PARD3B: variants seen among roughly 807,000 people sequenced by gnomAD.
PARD3B encodes the protein par-3 family cell polarity regulator beta.
PARD3B carries 103 observed loss-of-function variants against 130.2 expected under a neutral mutation model. That is an observed-to-expected ratio of 0.79 (90% CI 0.67 to 0.93). The LOEUF (loss-of-function observed/expected upper bound fraction) is 0.93. Ranked by LOEUF, PARD3B falls within the 40% of genes least tolerant of loss-of-function variation. The pLI is 0.00. For synonymous variants in PARD3B, 583 were observed against 553.2 expected, an observed-to-expected ratio of 1.05 and a Z score of -0.76; for missense variants, 1,609 against 1,499.2, an observed-to-expected ratio of 1.07 and a Z score of -1.21.
At chr2:205,512,635 G>A (rs376880723) in intron 21 of PARD3B, among the ~76,000 whole-genome samples, 1 of 152,062 alleles carries the variant, frequency 6.6e-6, no homozygotes, top group Non-Finnish European at 1.5e-5. Context: ...AATGTACATC[G>A]AGCCTGACAG....
chr2:204,997,741 C>A (rs956021588), intron 3 of PARD3B, among the ~76,000 whole-genome samples: 4 of 151,498 alleles, frequency 2.6e-5, no homozygotes, highest in African/African-American at 7.3e-5. Context: ...ACTTAGAGCT[C>A]CAGTGTTGGA....
intron 1 of PARD3B, among the ~76,000 whole-genome samples, chr2:204,667,256 C>CATAGA (rs2036067910): frequency 3.3e-5 from 5 of 152,170 alleles, no homozygotes; most frequent in Admixed American, 2.0e-4. Flanking sequence ...ACTGTAACTG[C>CATAGA]AGCAAGCTCA....
rs967564052 is a variant in PARD3B at position 205,352,263 on chromosome 2, CAT to C, written c.2631-48748_2631-48747del. 6.6e-6 allele frequency among the ~76,000 whole-genome samples: 1 copy of C among 152,088 alleles called. No individual in the cohort carries two copies. Among genetic ancestry groups the C allele is most frequent in the Non-Finnish European group, 1.5e-5 (1 of 68,004 alleles). ...CCATGTGTGAAGGAGGGAAAAAAAA[CAT>C]AGTAGAGCTTTTCTTTTCACTGTAC... On this transcript the variant is annotated intron_variant, in intron 18 of 22. Transcript: ENST00000406610. The surrounding 1 kb of genome is among the most constrained non-coding windows in gnomAD (Gnocchi z 5.2).
chr2:204,646,044 G>A (rs2035259677), intron 1 of PARD3B, among the ~76,000 whole-genome samples: 1 of 152,118 alleles, frequency 6.6e-6, no homozygotes, highest in Middle Eastern at 3.4e-3. Flanking sequence ...GAACATTCTG[G>A]ATTTATTGTT....
intron 15 of PARD3B, among the ~76,000 whole-genome samples, chr2:205,236,629 C>T (rs1309424782): frequency 2.0e-5 from 3 of 152,092 alleles, no homozygotes; most frequent in African/African-American, 7.2e-5. Context: ...GTGAATTGAA[C>T]CCAACAATAT....
chr2:205,345,615 C>T lies in PARD3B; in HGVS notation c.2630+43914C>T, dbSNP rs2043723067. On this transcript the variant is annotated intron_variant, in intron 18 of 22. Coordinates refer to ENST00000406610, the MANE Select transcript of PARD3B (RefSeq NM_001302769.2). Reference sequence around the variant, plus strand: ...CCCAGTCCATGCTGCTAAGTTCACCCCCTTTCCCTATCTCCTCATGACCCT... The same window carrying T: ...CCCAGTCCATGCTGCTAAGTTCACCTCCTTTCCCTATCTCCTCATGACCCT... 3.3e-5 allele frequency among the ~76,000 whole-genome samples: 5 copies of T among 151,558 alleles called. No individual in the cohort carries two copies. The South Asian group carries it at 1.0e-3, about 32-fold the overall frequency.
At chr2:204,782,170 C>G (rs1443509446) in intron 2 of PARD3B, among the ~76,000 whole-genome samples, 2 of 152,146 alleles carry the variant, frequency 1.3e-5, no homozygotes, top group Middle Eastern at 3.4e-3. Context: ...CCTAATTATC[C>G]AAGAATCTTC....
intron 1 of PARD3B, among the ~76,000 whole-genome samples, chr2:204,581,669 A>G (rs1194048832): frequency 2.0e-5 from 3 of 152,188 alleles, no homozygotes; most frequent in African/African-American, 7.2e-5. Flanking sequence ...CCAGGGCTTG[A>G]TATCCCTAAA....
At chr2:205,398,226 G>A (rs907629985) in intron 18 of PARD3B, among the ~76,000 whole-genome samples, 2 of 152,082 alleles carry the variant, frequency 1.3e-5, no homozygotes, top group East Asian at 1.9e-4. Flanking sequence ...GCTTGAACCC[G>A]AGAGGTGGAG....
intron 2 of PARD3B, among the ~76,000 whole-genome samples, chr2:204,807,855 G>C (rs1176823499): frequency 6.6e-6 from 1 of 151,856 alleles, no homozygotes; most frequent in African/African-American, 2.4e-5. Flanking sequence ...TGTGGGGGTT[G>C]GGGGTAGTGG....
chr2:205,301,558 T>G lies in PARD3B; in HGVS notation c.2487T>G (p.Asn829Lys), dbSNP rs762666195. 4.3e-6 allele frequency: 7 copies of G among 1,611,132 alleles called. No individual in the cohort carries two copies. In the Admixed American group the frequency reaches 1.2e-4, roughly 27 times the overall value. The change falls in exon 18 of 23, where the codon AAT (asparagine) becomes AAG (lysine). Residue 829 changes from asparagine (N) to lysine (K), a missense_variant. Transcript: ENST00000406610. This position sits in a 1 kb window ranked among gnomAD's most constrained non-coding sequence, Gnocchi z 5.2. ...QGNSELEDME[N>K]KARKVKKTKE... ...ATTCGGAGCTAGAGGACATGGAAAA[T>G]AAAGCCAGGAAAGTCAAAAAAACGA...
chr2:205,293,847 A>G lies in PARD3B; in HGVS notation c.2186-6683A>G, dbSNP rs550274344. 4 of 152,222 alleles carry G rather than the reference A, an allele frequency of 2.6e-5. No individual in the cohort carries two copies. The South Asian group carries it at 8.3e-4, about 32-fold the overall frequency. 9.4% of individuals were successfully genotyped at this position (152,222 alleles called of 1,614,324 possible). ...TTTACCTTCATGTTCCTTTTTTCCTACAACAAATATTTGTGCAGTAGATCT... is the reference window on the plus strand; with the variant it reads ...TTTACCTTCATGTTCCTTTTTTCCTGCAACAAATATTTGTGCAGTAGATCT... On this transcript the variant is annotated intron_variant, in intron 16 of 22. Coordinates refer to ENST00000406610, the MANE Select transcript of PARD3B (RefSeq NM_001302769.2).
chr2:205,537,681 A>G (rs542662692), intron 21 of PARD3B, among the ~76,000 whole-genome samples: 67 of 152,154 alleles, frequency 4.4e-4, no homozygotes, highest in African/African-American at 1.5e-3. Flanking sequence ...TGCGCACACA[A>G]CCTGTTGTAC....
At chr2:205,493,724 GTATTTATTTATTTATT>G (rs1013265539) in intron 20 of PARD3B, among the ~76,000 whole-genome samples, 3 of 14,984 alleles carry the variant, frequency 2.0e-4, no homozygotes, top group African/African-American at 3.5e-4. Flanking sequence ...ATTTATGTAT[GTATTTATTTATTTATT>G]TATTTATTTA....
chr2:204,852,902 A>G (rs1056201363), intron 2 of PARD3B, among the ~76,000 whole-genome samples: 17 of 152,154 alleles, frequency 1.1e-4, no homozygotes, highest in African/African-American at 3.9e-4. Flanking sequence ...TTGATAATAA[A>G]AAGTTAACAT....
chr2:204,705,804 C>G (rs564778712), intron 2 of PARD3B, among the ~76,000 whole-genome samples: 2 of 152,112 alleles, frequency 1.3e-5, no homozygotes, highest in Non-Finnish European at 2.9e-5. Flanking sequence ...GAGGCAGCAG[C>G]AGGTACTTAA....
At chr2:205,272,963 G>A (rs1921811) in intron 16 of PARD3B, among the ~76,000 whole-genome samples, 1,652 of 152,270 alleles carry the variant, frequency 0.011, 17 homozygotes, top group African/African-American at 0.037. Flanking sequence ...TAAACAATAA[G>A]TAGTTATACA....
At chr2:205,430,750 TAAA>T (rs2047304525) in intron 19 of PARD3B, among the ~76,000 whole-genome samples, 1 of 151,666 alleles carries the variant, frequency 6.6e-6, no homozygotes, top group African/African-American at 2.4e-5. Context: ...ATGGAAAAAA[TAAA>T]AAGCAAAAAG....
intron 16 of PARD3B, among the ~76,000 whole-genome samples, chr2:205,259,761 G>A (rs1346326148): frequency 1.3e-5 from 2 of 152,006 alleles, no homozygotes; most frequent in Non-Finnish European, 2.9e-5. Context: ...TCTTGACTCT[G>A]CACTCCATTC....
Sources: gnomAD v4.1 joint callset for allele counts (sites outside exome capture counted in the v4.1 genomes callset) on GRCh38, gnomAD v4.1.1 for gene constraint, Gnocchi (gnomAD v3.1) non-coding constraint, MANE v1.5 for transcripts, NCBI Gene and HGNC (gene_info 2026-07-23, HGNC 2026-07-21) for gene names.